The following TENM1 variants were observed in gnomAD, a reference collection of about 807,000 sequenced individuals.
The protein encoded by TENM1 is teneurin-1.
TENM1 carries 35 observed loss-of-function variants against 174.8 expected under a neutral mutation model. That is an observed-to-expected ratio of 0.20 (90% CI 0.15 to 0.27). TENM1 has a LOEUF of 0.27. Ranked by LOEUF, TENM1 falls within the 10% of genes least tolerant of loss-of-function variation. The pLI, the probability that TENM1 is intolerant of heterozygous loss-of-function variation, is 1.00. For missense variants in TENM1, 1,633 were observed against 2,130.1 expected, an observed-to-expected ratio of 0.77 and a Z score of 4.59; for synonymous variants, 781 against 798.7, an observed-to-expected ratio of 0.98 and a Z score of 0.37.
chrX:124,869,566 G>A (rs1365419862), intron 3 of TENM1, among the ~76,000 whole-genome samples: 1 of 111,235 alleles, frequency 9.0e-6, no homozygotes, highest in Non-Finnish European at 1.9e-5. Flanking sequence ...AAATTTTGAA[G>A]CAACCTAAGC....
intron 23 of TENM1, among the ~76,000 whole-genome samples, chrX:124,425,888 A>G (rs1460990024): frequency 1.8e-5 from 2 of 111,284 alleles, no homozygotes; most frequent in African/African-American, 3.3e-5. Context: ...GGGCTCCTGC[A>G]CGGGCCCAAG....
chrX:124,823,563 A>G lies in TENM1; in HGVS notation c.535+70733T>C, dbSNP rs752677187. Among the ~76,000 whole-genome samples, 11 of 111,307 alleles carry G rather than the reference A, an allele frequency of 9.9e-5. No individual in the cohort carries two copies. In the East Asian group the frequency reaches 2.8e-3, roughly 28 times the overall value. The stretch of plus-strand genomic sequence containing the variant: ...CCGGCAAAGGAGAAAATTAAAATAC[A>G]GAAGTCGAAATACTAAAAAGTAGCT... On this transcript the variant is annotated intron_variant, in intron 3 of 31. Coordinates refer to ENST00000422452, the Ensembl canonical transcript of TENM1.
chrX:124,698,183 A>G (rs2052694523), intron 5 of TENM1, among the ~76,000 whole-genome samples: 1 of 108,827 alleles, frequency 9.2e-6, no homozygotes, highest in Admixed American at 9.8e-5. Flanking sequence ...TTTCCTTCCT[A>G]CTCCTACGAT....
At chrX:125,098,203 G>A in the TENM1 span, among the ~76,000 whole-genome samples, 1 of 111,640 alleles carries the variant, frequency 9.0e-6, no homozygotes. Context: ...GGCGGAGCTT[G>A]CAGTGAGCTG....
chrX:124,747,509 G>C (rs1033292613), intron 3 of TENM1, among the ~76,000 whole-genome samples: 11 of 102,617 alleles, frequency 1.1e-4, no homozygotes, highest in Non-Finnish European at 4.0e-5. Context: ...TGGTGCAAAA[G>C]TAATTGCGGT....
chrX:124,519,252 T>A (rs1276147390), intron 18 of TENM1, among the ~76,000 whole-genome samples: 1 of 111,705 alleles, frequency 9.0e-6, no homozygotes, highest in African/African-American at 3.3e-5. Flanking sequence ...TACTTTCTTA[T>A]TTTTTTGTGT....
intron 3 of TENM1, among the ~76,000 whole-genome samples, chrX:124,805,310 G>A (rs753601500): frequency 1.8e-5 from 2 of 112,014 alleles, no homozygotes; most frequent in South Asian, 3.8e-4. Context: ...TAGCAAATAC[G>A]TTGAGGAGTC....
chrX:124,531,662 T>C (rs1411028557), intron 15 of TENM1, among the ~76,000 whole-genome samples: 1 of 112,394 alleles, frequency 8.9e-6, no homozygotes, highest in Non-Finnish European at 1.9e-5. Context: ...TTATGAATTA[T>C]GTAAATCATG....
chrX:125,161,741 T>C, the TENM1 span, among the ~76,000 whole-genome samples: 2 of 112,242 alleles, frequency 1.8e-5, no homozygotes, highest in African/African-American at 3.2e-5. Context: ...TGTGAATAGA[T>C]AAAAAGCCAT....
At chrX:125,097,198 C>T in the TENM1 span, among the ~76,000 whole-genome samples, 1 of 111,578 alleles carries the variant, frequency 9.0e-6, no homozygotes, top group Non-Finnish European at 1.9e-5. Context: ...TGGTTGTGAC[C>T]TCTCGCCTGA....
intron 3 of TENM1, among the ~76,000 whole-genome samples, chrX:124,752,406 G>A (rs2054098506): frequency 9.0e-6 from 1 of 111,604 alleles, no homozygotes; most frequent in Non-Finnish European, 1.9e-5. Flanking sequence ...TTTGTCAGAT[G>A]AGTAGGTTGT....
intron 1 of TENM1, among the ~76,000 whole-genome samples, chrX:124,900,742 A>C (rs1205036760): frequency 9.0e-6 from 1 of 110,630 alleles, no homozygotes; most frequent in Non-Finnish European, 1.9e-5. Flanking sequence ...AGAGGCCATG[A>C]AGACTAACTG....
At chrX:124,863,623 T>G (rs1474486199) in intron 3 of TENM1, among the ~76,000 whole-genome samples, 1 of 111,938 alleles carries the variant, frequency 8.9e-6, no homozygotes, top group Non-Finnish European at 1.9e-5. Flanking sequence ...CAGGTATTCT[T>G]CAAAGGCTTT....
the TENM1 span, among the ~76,000 whole-genome samples, chrX:125,176,748 T>C: frequency 8.9e-6 from 1 of 111,951 alleles, no homozygotes; most frequent in Non-Finnish European, 1.9e-5. Context: ...CTTACAAAAA[T>C]GTACTTAACT....
At chrX:125,157,612 T>C in the TENM1 span, among the ~76,000 whole-genome samples, 2 of 111,946 alleles carry the variant, frequency 1.8e-5, no homozygotes, top group Non-Finnish European at 3.8e-5. Context: ...GTCGATGTGG[T>C]GGGAACGAAC....
At chrX:124,784,677 ATTAG>A (rs2054995377) in intron 3 of TENM1, among the ~76,000 whole-genome samples, 2 of 111,776 alleles carry the variant, frequency 1.8e-5, no homozygotes, top group South Asian at 3.7e-4. Context: ...GGGACAGAAT[ATTAG>A]TTAGTCAGGT....
intron 14 of TENM1, 80 bp from the exon 18 acceptor site, chrX:124,547,170 A>G (rs901662307): frequency 3.6e-5 from 27 of 749,060 alleles, no homozygotes; most frequent in Non-Finnish European, 5.0e-5. Context: ...TAAATGGAGA[A>G]AATTCTAAAA....
chrX:124,796,823 T>G (rs1456535915), intron 3 of TENM1, among the ~76,000 whole-genome samples: 1 of 111,501 alleles, frequency 9.0e-6, no homozygotes, highest in Non-Finnish European at 1.9e-5. Context: ...GGCCTCTTTA[T>G]GAAAAAAAGA....
intron 18 of TENM1, among the ~76,000 whole-genome samples, chrX:124,514,788 T>A (rs2047663360): frequency 9.0e-6 from 1 of 111,045 alleles, no homozygotes; most frequent in African/African-American, 3.3e-5. Context: ...GAACAGCTGG[T>A]ACCATTCCCA....
Sources: gnomAD v4.1 joint callset for allele counts (sites outside exome capture counted in the v4.1 genomes callset) on GRCh38, gnomAD v4.1.1 for gene constraint, MANE v1.5 for transcripts, NCBI Gene and HGNC (gene_info 2026-07-23, HGNC 2026-07-21) for gene names.